DRC7: variants seen among roughly 807,000 people sequenced by gnomAD.
DRC7 encodes coiled-coil domain containing 135.
Under a neutral mutation model 104.4 loss-of-function variants are expected in DRC7, and 80 were observed. That is an observed-to-expected ratio of 0.77 (90% confidence interval 0.64 to 0.92). The LOEUF is 0.92. Ranked by LOEUF, DRC7 falls within the 40% of genes least tolerant of loss-of-function variation. DRC7 has a pLI of 0.00. For missense variants in DRC7, 1,034 were observed against 1,141.1 expected (o/e 0.91, Z 1.35); for synonymous variants, 405 against 447.3 (o/e 0.91, Z 1.19).
chr16:57,702,870 C>T (rs1201055363), intron 6 of DRC7, among the ~76,000 whole-genome samples: 1 of 152,036 alleles, frequency 6.6e-6, no homozygotes, highest in African/African-American at 2.4e-5. Flanking sequence ...GTCCCACACT[C>T]CCGAGGTAAA....
chr16:57,721,962 G>A (rs530586400), intron 10 of DRC7, among the ~76,000 whole-genome samples: 6 of 151,906 alleles, frequency 3.9e-5, no homozygotes, highest in South Asian at 2.1e-4. Context: ...CACACGGGGC[G>A]ATGCAGTTCA....
chr16:57,722,072 G>A (rs902195479), intron 10 of DRC7, among the ~76,000 whole-genome samples: 1 of 152,246 alleles, frequency 6.6e-6, no homozygotes, highest in African/African-American at 2.4e-5. Context: ...GCCATGGGCA[G>A]TGCCCAGATG....
At position 57,718,389 on chromosome 16, in the gene DRC7, A is replaced by G. The variant is rs765306232; in HGVS notation, c.1120A>G (p.Met374Val). 5 of 1,614,140 alleles carry G rather than the reference A, an allele frequency of 3.1e-6. No individual in the cohort carries two copies. Among genetic ancestry groups the G allele is most frequent in the Non-Finnish European group, 4.2e-6 (5 of 1,179,992 alleles). The stretch of plus-strand genomic sequence containing the variant: ...GGGTGACCCTGTGAGATGGGAGTAC[A>G]TGCTCCTGGGGACTGATAAGTCTCA... The part of the protein sequence containing the change: ...DLGDPVRWEY[M>V]LLGTDKSQLS... Residue 374 changes from methionine to valine, a missense_variant, in exon 9 of 19, where the codon ATG becomes GTG. Transcript: ENST00000360716.
chr16:57,721,297 C>G (rs1246473282), intron 9 of DRC7, among the ~76,000 whole-genome samples: 2 of 152,214 alleles, frequency 1.3e-5, no homozygotes, highest in African/African-American at 4.8e-5. Context: ...CTAAAAGGTC[C>G]AGTTTACAGT....
At chr16:57,705,581 A>C (rs1597797005) in intron 7 of DRC7, among the ~76,000 whole-genome samples, 4 of 71,528 alleles carry the variant, frequency 5.6e-5, no homozygotes, top group African/African-American at 5.6e-5. Context: ...CCATCCATCC[A>C]TCCTCCCAAC....
At chr16:57,713,660 C>A (rs1236585412) in intron 8 of DRC7, 2 of 152,330 alleles carry the variant, frequency 1.3e-5, no homozygotes, top group Non-Finnish European at 2.9e-5. Flanking sequence ...TATCAGTGCT[C>A]TTTCGTTGTC....
chr16:57,701,872 C>A, intron 5 of DRC7, 64 bp from the exon 6 acceptor site: 1 of 1,429,564 alleles, frequency 7.0e-7, no homozygotes, highest in Non-Finnish European at 9.7e-7. Flanking sequence ...TGGGCTGTGA[C>A]CGGTGGGGAG....
In DRC7 at chr16:57,731,631, A is replaced by C; in HGVS notation, c.*373A>C. On this transcript the variant is annotated 3_prime_UTR_variant, in exon 19 of 19. Coordinates refer to ENST00000360716, the MANE Select transcript of DRC7 (RefSeq NM_001289162.2). ...GATGGTCCCACAGCCATCTGCAAAC[A>C]ACTGGTTATATCTCAATGTGACTAG... is the stretch of plus-strand genomic sequence containing the variant. 3.9e-6 allele frequency: 1 copy of C among 259,010 alleles called. No homozygotes were observed. Among genetic ancestry groups the C allele is most frequent in the Non-Finnish European group, 7.5e-6 (1 of 133,172 alleles). The allele number at this position is 259,010 out of a possible 1,614,324, so 16.0% of individuals were successfully genotyped here.
At chr16:57,707,341 G>A in intron 7 of DRC7, 119 bp from the exon 8 acceptor site, 2 of 839,050 alleles carry the variant, frequency 2.4e-6, no homozygotes, top group Non-Finnish European at 3.7e-6. Flanking sequence ...CCGGTTGATG[G>A]TGCAGTCTAC....
At chr16:57,697,207 C>A (rs959199689) in intron 2 of DRC7, among the ~76,000 whole-genome samples, 2 of 152,088 alleles carry the variant, frequency 1.3e-5, no homozygotes, top group African/African-American at 2.4e-5. Context: ...GCCACCGCAC[C>A]CAGCCAATTC....
rs2048801119 is a variant in DRC7 at position 57,712,648 on chromosome 16, AT to A, written c.1077+4972del. On this transcript the variant is annotated intron_variant, in intron 8 of 18. Transcript: ENST00000360716. The stretch of plus-strand genomic sequence containing the variant: ...GTTTCTTAAGGTGGAAGCTGAGATG[AT>A]TCATCTAAGACTGTTTTTTGTTTTG... Among the ~76,000 whole-genome samples the A allele has an allele frequency of 2.0e-5, 3 of 150,976 alleles. No homozygotes were observed. The East Asian group carries it at 5.9e-4, about 30-fold the overall frequency.
Position 57,726,080 on chromosome 16 carries a change from C to T in DRC7, c.1771C>T (p.Arg591Trp). ...TCTGGCCTCCCAGAAAATCACAGAG[C>T]GGTTCTTCCGCAACCCAGCGAAGCC... ...NPRPIVKITE[R>W]FFRNPAKPAE... is the part of the protein sequence containing the mutation. Residue 591 changes from arginine (R) to tryptophan (W), a missense_variant, in exon 14 of 19, where the codon CGG becomes TGG. By Grantham distance (101) the Arg-to-Trp change is moderately radical. Coordinates refer to ENST00000360716, the MANE Select transcript of DRC7 (RefSeq NM_001289162.2). The T allele has an allele frequency of 6.2e-7, 1 of 1,612,980 alleles. No homozygotes were observed. Among genetic ancestry groups the T allele is most frequent in the South Asian group, 1.1e-5 (1 of 91,008 alleles).
At chr16:57,707,394 A>T (rs34724972) in intron 7 of DRC7, 66 bp from the exon 8 acceptor site, 337,803 of 1,444,800 alleles carry the variant, frequency 0.23, 40,746 homozygotes, top group African/African-American at 0.26. Flanking sequence ...CCCCAGGGAG[A>T]TGTCTGGGCC....
intron 8 of DRC7, among the ~76,000 whole-genome samples, chr16:57,710,927 G>T (rs547054311): frequency 6.6e-6 from 1 of 152,320 alleles, no homozygotes; most frequent in Admixed American, 6.5e-5. Context: ...GTTGAAGAGA[G>T]ATATTGTTCT....
At chr16:57,708,182 A>G (rs2048753321) in intron 8 of DRC7, among the ~76,000 whole-genome samples, 2 of 152,218 alleles carry the variant, frequency 1.3e-5, no homozygotes, top group South Asian at 4.1e-4. Context: ...TCCTAAGTGT[A>G]CATACCATTG....
chr16:57,724,853 C>CT lies in DRC7; in HGVS notation c.1758+19dup. 1 of 1,595,898 alleles carries CT rather than the reference C, an allele frequency of 6.3e-7. No homozygotes were observed. The highest frequency in any genetic ancestry group is 8.6e-7 in the Non-Finnish European group (1 of 1,168,000). ...CCATTGTGGTAAGAGCTCGCGGGGG[C>CT]TGGGGACAGGTCGCCCTCCTTCTCT... On this transcript the variant is annotated intron_variant, in intron 13 of 18. Transcript: ENST00000360716.
rs778419271 is a variant in DRC7, at chr16:57,726,193, G to C, written c.1884G>C (p.Thr628=). 8.1e-6 allele frequency: 13 copies of C among 1,613,124 alleles called. No individual in the cohort carries two copies. Among genetic ancestry groups the C allele is most frequent in the Non-Finnish European group, 1.1e-5 (13 of 1,180,018 alleles). ...LRYHCREDHI[T]ASKREFLRRT... ...ACCACTGCCGTGAGGACCACATCAC[G>C]GCCTCCAAGCGCGAGTTCCTGCGGC... is the stretch of plus-strand genomic sequence containing the variant. The change falls in exon 14 of 19, where the codon ACG becomes ACC. Residue 628 remains threonine (T), a synonymous_variant. Coordinates refer to ENST00000360716, the MANE Select transcript of DRC7 (RefSeq NM_001289162.2).
At chr16:57,724,869 C>G (rs773205660) in intron 13 of DRC7, 34 bp downstream of exon 13, 2 of 1,551,696 alleles carry the variant, frequency 1.3e-6, no homozygotes, top group African/African-American at 1.4e-5. Context: ...ACAGGTCGCC[C>G]TCCTTCTCTG....
At chr16:57,729,745 A>G (rs1597816379) in intron 17 of DRC7, among the ~76,000 whole-genome samples, 2 of 29,502 alleles carry the variant, frequency 6.8e-5, no homozygotes, top group Non-Finnish European at 1.2e-4. Flanking sequence ...TGGATGAGTG[A>G]GTGAGCAGGT....
Sources: gnomAD v4.1 joint callset for allele counts (sites outside exome capture counted in the v4.1 genomes callset) on GRCh38, gnomAD v4.1.1 for gene constraint, MANE v1.5 for transcripts, NCBI Gene and HGNC (gene_info 2026-07-23, HGNC 2026-07-21) for gene names.